PXT1: variants seen among roughly 807,000 people sequenced by gnomAD.
The protein encoded by PXT1 is peroxisomal testis enriched protein 1.
Under a neutral mutation model 11.0 loss-of-function variants are expected in PXT1, and 11 were observed. The observed-to-expected ratio is 1.00, with a 90% CI of 0.63 to 1.66. The LOEUF (loss-of-function observed/expected upper bound fraction) is 1.66, where lower values mean the gene tolerates loss of function less well. Among genes scored for constraint, PXT1 ranks in the 40% most tolerant of loss-of-function variants. The pLI is 0.00. For synonymous variants in PXT1, 43 were observed against 51.4 expected, an observed-to-expected ratio of 0.84 and a Z score of 0.70; for missense variants, 141 against 155.5, an observed-to-expected ratio of 0.91 and a Z score of 0.49.
At chr6:36,394,084 G>A (rs1237022887) in intron 4 of PXT1, among the ~76,000 whole-genome samples, 3 of 152,178 alleles carry the variant, frequency 2.0e-5, no homozygotes, top group Non-Finnish European at 4.4e-5. Flanking sequence ...AATCATTAAA[G>A]GATTTTTCTC....
chr6:36,396,700 C>T (rs1445080361), intron 4 of PXT1, among the ~76,000 whole-genome samples: 9 of 152,210 alleles, frequency 5.9e-5, no homozygotes, highest in Non-Finnish European at 1.3e-4. Context: ...GCATGCACTG[C>T]CTCCCCTCTG....
chr6:36,397,932 A>G (rs935213732), intron 4 of PXT1, among the ~76,000 whole-genome samples: 1 of 151,992 alleles, frequency 6.6e-6, no homozygotes, highest in African/African-American at 2.4e-5. Context: ...GGGAGGATCA[A>G]TTGAACCCAG....
chr6:36,400,496 C>G lies in PXT1; in HGVS notation c.258G>C (p.Leu86=), dbSNP rs781621964. Residue 86 remains leucine (L), a synonymous_variant, in exon 4 of 5, where the codon CTG becomes CTC. Transcript: ENST00000454782. ...EEIIHKLAMQ[L]RHIGDNIDHR... ...GATCAATGTTGTCCCCAATGTGTCT[C>G]AGCTGCATGGCCAACTTGTGAATTA... 6 of 1,613,924 alleles carry G rather than the reference C, an allele frequency of 3.7e-6. No individual in the cohort carries two copies. Among genetic ancestry groups the G allele is most frequent in the Non-Finnish European group, 3.4e-6 (4 of 1,179,936 alleles).
At chr6:36,432,556 C>T (rs928182386) in intron 2 of PXT1, among the ~76,000 whole-genome samples, 5 of 152,028 alleles carry the variant, frequency 3.3e-5, no homozygotes, top group Admixed American at 1.3e-4. Context: ...CAAGGAGAAG[C>T]AAGGCACGTC....
intron 3 of PXT1, among the ~76,000 whole-genome samples, chr6:36,414,498 A>G (rs1295008120): frequency 6.6e-6 from 1 of 152,230 alleles, no homozygotes; most frequent in Non-Finnish European, 1.5e-5. Flanking sequence ...GGATTGTTTT[A>G]TACTTCCTTC....
intron 1 of PXT1, among the ~76,000 whole-genome samples, chr6:36,441,796 T>A (rs962621950): frequency 1.2e-4 from 18 of 152,332 alleles, no homozygotes; most frequent in Middle Eastern, 3.4e-3. Context: ...GTCTTCAGTT[T>A]TGAAAATTAA....
intron 2 of PXT1, among the ~76,000 whole-genome samples, chr6:36,432,385 A>G (rs952493351): frequency 1.3e-5 from 2 of 152,162 alleles, no homozygotes; most frequent in Non-Finnish European, 2.9e-5. Flanking sequence ...ACTCTCAAAA[A>G]TAACAATTGG....
At chr6:36,426,130 C>A (rs758340993) in intron 2 of PXT1, 39 bp from the exon 3 acceptor site, 1 of 1,240,344 alleles carries the variant, frequency 8.1e-7, no homozygotes, top group South Asian at 1.5e-5. Flanking sequence ...TCCCCCATTT[C>A]TCAGTAAATA....
intron 4 of PXT1, 145 bp from the exon 5 acceptor site, chr6:36,392,019 G>A: frequency 1.6e-6 from 1 of 610,944 alleles, no homozygotes; most frequent in Middle Eastern, 4.5e-4. Context: ...TTTATGAATT[G>A]TATGAGCTGA....
intron 3 of PXT1, among the ~76,000 whole-genome samples, chr6:36,404,231 C>G (rs895373259): frequency 1.3e-5 from 2 of 152,178 alleles, no homozygotes; most frequent in Non-Finnish European, 2.9e-5. Context: ...ACTTGGTTAA[C>G]TACAGTATAA....
chr6:36,434,531 A>G (rs6941593), intron 2 of PXT1, among the ~76,000 whole-genome samples: 37,015 of 152,154 alleles, frequency 0.24, 4,702 homozygotes, highest in East Asian at 0.39. Flanking sequence ...TGAGGTAGCC[A>G]TTATAGGTTC....
intron 3 of PXT1, among the ~76,000 whole-genome samples, chr6:36,401,340 A>T (rs979135242): frequency 5.9e-5 from 9 of 152,202 alleles, no homozygotes; most frequent in African/African-American, 1.9e-4. Flanking sequence ...GACAGTTTAA[A>T]ACGTAGATTC....
rs148817176 is a variant in PXT1, at chr6:36,404,597, C to T, written c.170-4013G>A. On this transcript the variant is annotated intron_variant, in intron 3 of 4. Transcript: ENST00000454782. ...TTGGCCTTCCTAAGTGCTGAGATTA[C>T]AGGTGTGCACCACCGTGCCCGGACT... Among the ~76,000 whole-genome samples the T allele has an allele frequency of 3.4e-3, 515 of 151,908 alleles. 2 individuals carry two copies. The highest frequency in any genetic ancestry group is 0.012 in the African/African-American group (489 of 41,386).
At position 36,402,947 on chromosome 6, in the gene PXT1, CTTTCT is replaced by C. The variant is rs1342140491; in HGVS notation, c.170-2368_170-2364del. Among the ~76,000 whole-genome samples the C allele has an allele frequency of 6.9e-5, 7 of 101,556 alleles. No individual in the cohort carries two copies. The East Asian group carries it at 1.3e-3, about 18-fold the overall frequency. The allele number at this position is 101,556 out of a possible 152,430, so 66.6% of individuals were successfully genotyped here. ...CTTTTTATTTTTCTTTTCTTTCTTT[CTTTCT>C]TTTTTTTTTTTTTGACACAGTTTCA... On this transcript the variant is annotated intron_variant, in intron 3 of 4. Transcript: ENST00000454782.
intron 2 of PXT1, among the ~76,000 whole-genome samples, chr6:36,436,054 G>GT (rs1237142263): frequency 5.8e-5 from 8 of 139,102 alleles, no homozygotes; most frequent in South Asian, 2.5e-4. Context: ...ACAATGATTG[G>GT]TTTTTAAATG....
At chr6:36,395,990 C>T (rs1054813808) in intron 4 of PXT1, among the ~76,000 whole-genome samples, 1 of 151,902 alleles carries the variant, frequency 6.6e-6, no homozygotes, top group Non-Finnish European at 1.5e-5. Flanking sequence ...AGAGTGGGAC[C>T]CTGTCTCAAA....
chr6:36,430,820 C>A (rs546353), intron 2 of PXT1, among the ~76,000 whole-genome samples: 65,173 of 151,636 alleles, frequency 0.43, 15,413 homozygotes, highest in African/African-American at 0.61. Context: ...TTTGAGACAA[C>A]GTCTCGCTCT....
At chr6:36,416,686 A>G (rs1774453045) in intron 3 of PXT1, among the ~76,000 whole-genome samples, 1 of 152,202 alleles carries the variant, frequency 6.6e-6, no homozygotes, top group Non-Finnish European at 1.5e-5. Flanking sequence ...TACCTACTAT[A>G]CAATAAATCC....
At chr6:36,409,862 G>GAGAA (rs1554152310) in intron 3 of PXT1, among the ~76,000 whole-genome samples, 1 of 143,546 alleles carries the variant, frequency 7.0e-6, no homozygotes, top group African/African-American at 2.6e-5. Context: ...AGGAAGGAAG[G>GAGAA]AGAAAGAAAA....
Sources: allele counts gnomAD v4.1 joint callset (sites outside exome capture counted in the v4.1 genomes callset), GRCh38; gene constraint gnomAD v4.1.1; transcripts MANE v1.5; gene names NCBI Gene and HGNC (gene_info 2026-07-23, HGNC 2026-07-21).